The following NEK11 variants were observed in gnomAD, a reference collection of about 807,000 sequenced individuals.
NEK11 encodes serine/threonine-protein kinase Nek11.
In NEK11, 72 loss-of-function variants were observed where a neutral mutation model predicts 80.7. The ratio of observed to expected loss-of-function variants is 0.89; its 90% CI spans 0.74 to 1.08. The LOEUF (loss-of-function observed/expected upper bound fraction) is 1.08, where lower values mean the gene tolerates loss of function less well. Among genes scored for constraint, NEK11 ranks in the 50% least tolerant of loss-of-function variants. The pLI, the probability that NEK11 is intolerant of heterozygous loss-of-function variation, is 0.00. For missense variants in NEK11, 764 were observed against 763.6 expected (o/e 1.00, Z -0.01); for synonymous variants, 251 against 260.7 (o/e 0.96, Z 0.36).
chr3:131,230,676 C>T (rs1239656147), intron 15 of NEK11, among the ~76,000 whole-genome samples: 1 of 152,014 alleles, frequency 6.6e-6, no homozygotes, highest in Non-Finnish European at 1.5e-5. Flanking sequence ...ATAAGGGCAG[C>T]AGTTTTGTTC....
intron 5 of NEK11, among the ~76,000 whole-genome samples, chr3:131,118,215 G>T (rs552843424): frequency 6.6e-6 from 1 of 152,150 alleles, no homozygotes. Flanking sequence ...GGCCTTTTCT[G>T]CATCTATTGA....
rs189628285 is a variant in NEK11 at position 131,287,698 on chromosome 3, C to T, written c.1718+14124C>T. On this transcript the variant is annotated intron_variant, in intron 17 of 17. Transcript: ENST00000383366. ...AACATGGGAAAGGCTGTGGATTTGA[C>T]CTACTTGCCACAAGTCCTTCAACCC... Among the ~76,000 whole-genome samples, 286 of 152,288 alleles carry T rather than the reference C, an allele frequency of 1.9e-3. 1 individual carries two copies. The highest frequency in any genetic ancestry group is 5.9e-3 in the Admixed American group (90 of 15,302).
chr3:131,285,004 G>C (rs1216441988), intron 17 of NEK11, among the ~76,000 whole-genome samples: 1 of 152,074 alleles, frequency 6.6e-6, no homozygotes, highest in Non-Finnish European at 1.5e-5. Flanking sequence ...TATTAGTTCT[G>C]TCCCTCTAGA....
At chr3:131,031,752 C>G (rs936910950) in intron 3 of NEK11, among the ~76,000 whole-genome samples, 4 of 152,034 alleles carry the variant, frequency 2.6e-5, no homozygotes, top group Non-Finnish European at 4.4e-5. Flanking sequence ...AAACACATGA[C>G]TGGAGCTGAA....
At chr3:131,261,586 G>A (rs2095920718) in intron 16 of NEK11, among the ~76,000 whole-genome samples, 1 of 152,116 alleles carries the variant, frequency 6.6e-6, no homozygotes, top group Non-Finnish European at 1.5e-5. Context: ...TAAAATGAGG[G>A]AAGTGAGACC....
At chr3:131,131,063 A>G (rs1303788824) in intron 5 of NEK11, among the ~76,000 whole-genome samples, 1 of 152,170 alleles carries the variant, frequency 6.6e-6, no homozygotes, top group Non-Finnish European at 1.5e-5. Flanking sequence ...CGGCTTCCCA[A>G]AGTGCTTGGA....
At chr3:131,112,609 G>C (rs547314029) in intron 5 of NEK11, among the ~76,000 whole-genome samples, 1 of 152,262 alleles carries the variant, frequency 6.6e-6, no homozygotes, top group Admixed American at 6.5e-5. Flanking sequence ...GCCAAGAAAA[G>C]TACAATTTAG....
intron 5 of NEK11, among the ~76,000 whole-genome samples, chr3:131,129,544 A>G (rs1398615594): frequency 6.6e-6 from 1 of 152,038 alleles, no homozygotes; most frequent in African/African-American, 2.4e-5. Flanking sequence ...AATCATCTAG[A>G]TTTTATCACA....
chr3:131,245,625 G>A (rs1283920902), intron 16 of NEK11, among the ~76,000 whole-genome samples: 1 of 151,720 alleles, frequency 6.6e-6, no homozygotes, highest in African/African-American at 2.4e-5. Context: ...TGTCTTTTTA[G>A]TAATAGCCAT....
At chr3:131,212,792 G>T (rs547026760) in intron 14 of NEK11, among the ~76,000 whole-genome samples, 22 of 152,308 alleles carry the variant, frequency 1.4e-4, no homozygotes, top group African/African-American at 5.3e-4. Context: ...TCTCCTGTTA[G>T]ATCCTGTGAT....
At chr3:131,274,533 C>G (rs1433248308) in intron 17 of NEK11, among the ~76,000 whole-genome samples, 1 of 150,296 alleles carries the variant, frequency 6.7e-6, no homozygotes, top group African/African-American at 2.4e-5. Context: ...GGAATCGCTA[C>G]ACTGACTTCC....
At chr3:131,204,630 G>T (rs1366268545) in intron 14 of NEK11, among the ~76,000 whole-genome samples, 2 of 150,874 alleles carry the variant, frequency 1.3e-5, no homozygotes, top group African/African-American at 4.9e-5. Flanking sequence ...TGTATTGATT[G>T]TTTTCTTGGT....
chr3:131,049,296 G>C (rs2067953771), intron 3 of NEK11, among the ~76,000 whole-genome samples: 1 of 152,192 alleles, frequency 6.6e-6, no homozygotes, highest in South Asian at 2.1e-4. Context: ...CCCAATTTCA[G>C]ATACATAATT....
intron 17 of NEK11, among the ~76,000 whole-genome samples, chr3:131,345,709 A>G (rs564264347): frequency 6.6e-6 from 1 of 152,184 alleles, no homozygotes; most frequent in South Asian, 2.1e-4. Flanking sequence ...AGAAAATACC[A>G]CCCCATAAAG....
intron 14 of NEK11, chr3:131,174,832 C>T: frequency 6.2e-7 from 1 of 1,602,338 alleles, no homozygotes; most frequent in South Asian, 1.1e-5. Flanking sequence ...ACTCTAGGGC[C>T]TGGGTCTACA....
chr3:131,324,012 G>T (rs1359731874), intron 17 of NEK11, among the ~76,000 whole-genome samples: 2 of 152,190 alleles, frequency 1.3e-5, no homozygotes, highest in African/African-American at 4.8e-5. Context: ...GTGGTATTGG[G>T]AGGTGAATCT....
rs368762664 is a variant in NEK11, at chr3:131,273,428, A to T, written c.1622-50A>T. Reference sequence around the variant, plus strand: ...TGATTGCCCTTGAACATCGCCTTGAAGTTGCAGGATTGCTGATGAAGTCAA... The same window carrying T: ...TGATTGCCCTTGAACATCGCCTTGATGTTGCAGGATTGCTGATGAAGTCAA... On this transcript the variant is annotated intron_variant, in intron 16 of 17. Transcript: ENST00000383366. 1.4e-4 allele frequency: 197 copies of T among 1,427,004 alleles called. No homozygotes were observed. The African/African-American group carries it at 2.4e-3, about 18-fold the overall frequency. 88.4% of individuals were successfully genotyped at this position (1,427,004 alleles called of 1,614,324 possible).
intron 5 of NEK11, among the ~76,000 whole-genome samples, chr3:131,115,363 G>A (rs1260812906): frequency 2.0e-5 from 3 of 152,056 alleles, no homozygotes; most frequent in Non-Finnish European, 2.9e-5. Context: ...CCTAATTCAT[G>A]AGCCAATTCT....
chr3:131,324,775 T>C lies in NEK11; in HGVS notation c.1719-24782T>C, dbSNP rs76753412. On this transcript the variant is annotated intron_variant, in intron 17 of 17. Transcript: ENST00000383366. ...CAATGAAGGTATCTGCTTCCCCCGA[T>C]AGCCCAGTGCTCACTACTAGACAAC... 9.1e-3 allele frequency among the ~76,000 whole-genome samples: 1,381 copies of C among 152,298 alleles called. 22 individuals are homozygous for C. The highest frequency in any genetic ancestry group is 0.031 in the African/African-American group (1,290 of 41,562).
Sources: gnomAD v4.1 joint callset for allele counts (sites outside exome capture counted in the v4.1 genomes callset) on GRCh38, gnomAD v4.1.1 for gene constraint, MANE v1.5 for transcripts, NCBI Gene and HGNC (gene_info 2026-07-23, HGNC 2026-07-21) for gene names.